HSCB: variants seen among roughly 807,000 people sequenced by gnomAD.
HSCB encodes iron-sulfur cluster co-chaperone protein HscB.
HSCB carries 23 observed loss-of-function variants against 31.3 expected under a neutral mutation model. The ratio of observed to expected loss-of-function variants is 0.74; its 90% CI spans 0.53 to 1.04. The LOEUF (loss-of-function observed/expected upper bound fraction) is 1.04, where lower values mean the gene tolerates loss of function less well. Among genes scored for constraint, HSCB ranks in the 50% least tolerant of loss-of-function variants. The pLI, the probability that HSCB is intolerant of heterozygous loss-of-function variation, is 0.00. For synonymous variants in HSCB, 110 were observed against 104.5 expected (o/e 1.05, Z -0.32); for missense variants, 297 against 288.1 (o/e 1.03, Z -0.22).
chr22:28,746,573 C>T (rs920428408), intron 4 of HSCB, among the ~76,000 whole-genome samples: 6 of 150,888 alleles, frequency 4.0e-5, no homozygotes, highest in East Asian at 2.0e-4. Context: ...GGCAACGTGG[C>T]GAAACCCCAT....
intron 5 of HSCB, among the ~76,000 whole-genome samples, chr22:28,751,564 G>A (rs1195852494): frequency 1.3e-5 from 2 of 152,006 alleles, no homozygotes; most frequent in Non-Finnish European, 2.9e-5. Context: ...TGGCTAACAC[G>A]GTGAAACTCT....
intron 5 of HSCB, among the ~76,000 whole-genome samples, chr22:28,756,837 A>C (rs913667548): frequency 1.3e-5 from 2 of 151,974 alleles, no homozygotes; most frequent in African/African-American, 4.8e-5. Flanking sequence ...AAGAGAATCA[A>C]CTTCTCTAAT....
At chr22:28,743,127 G>T (rs2054613802) in intron 1 of HSCB, among the ~76,000 whole-genome samples, 1 of 152,168 alleles carries the variant, frequency 6.6e-6, no homozygotes, top group Admixed American at 6.5e-5. Context: ...AGGGGCCACT[G>T]CAATAGGGTC....
chr22:28,749,583 C>T (rs2030081092), intron 4 of HSCB, among the ~76,000 whole-genome samples: 1 of 152,148 alleles, frequency 6.6e-6, no homozygotes, highest in Non-Finnish European at 1.5e-5. Context: ...CCTCAGCTCA[C>T]AGAAAAGTAC....
intron 5 of HSCB, among the ~76,000 whole-genome samples, chr22:28,753,028 G>A (rs1601402756): frequency 2.6e-5 from 4 of 151,754 alleles, no homozygotes; most frequent in African/African-American, 9.7e-5. Flanking sequence ...GCAGTGAGCC[G>A]AGATCACGCC....
chr22:28,750,247 C>CAAAAAAAAAAAAAAAAA (rs563701958), intron 4 of HSCB, among the ~76,000 whole-genome samples: 3 of 64,698 alleles, frequency 4.6e-5, no homozygotes, highest in East Asian at 3.8e-4. Context: ...GAAACTGTCT[C>CAAAAAAAAAAAAAAAAA]AAAAAAAAAA....
chr22:28,742,109 G>C lies in HSCB; in HGVS notation c.14G>C (p.Arg5Thr), dbSNP rs766048132. ...GCCGCCGGCCAGATGTGGCGGGGGAGAGCCGGGGCTTTGCTCCGGGTGTGG... is the reference window on the plus strand; with the variant it reads ...GCCGCCGGCCAGATGTGGCGGGGGACAGCCGGGGCTTTGCTCCGGGTGTGG... MWRG[R>T]AGALLRVWGF... is the part of the protein sequence containing the mutation. The change falls in exon 1 of 6, where the codon AGA becomes ACA. Residue 5 changes from arginine to threonine, a missense_variant. Transcript: ENST00000216027. 49 of 1,593,916 alleles carry C rather than the reference G, an allele frequency of 3.1e-5. No individual in the cohort carries two copies. Among genetic ancestry groups the C allele is most frequent in the Non-Finnish European group, 4.0e-5 (47 of 1,170,700 alleles).
intron 5 of HSCB, among the ~76,000 whole-genome samples, chr22:28,751,916 T>A (rs1334802315): frequency 6.7e-6 from 1 of 148,694 alleles, no homozygotes; most frequent in South Asian, 2.1e-4. Context: ...ATGGTGAAAC[T>A]CCAGCTCTAC....
Position 28,744,649 on chromosome 22 carries a change from T to C in HSCB, c.368T>C (p.Leu123Pro). 1 of 1,613,976 alleles carries C rather than the reference T, an allele frequency of 6.2e-7. No individual in the cohort carries two copies. The highest frequency in any genetic ancestry group is 8.5e-7 in the Non-Finnish European group (1 of 1,179,826). The change falls in exon 3 of 6, where the codon CTG (leucine) becomes CCG (proline). Residue 123 changes from leucine (L) to proline (P), a missense_variant. Coordinates refer to ENST00000216027, the MANE Select transcript of HSCB (RefSeq NM_172002.5). ...GACTTCTCAGAGAAGCATTCGACCC[T>C]GGTGAATGATGCCTATAAGACCCTC... Reference protein sequence around the residue: ...EKDFSEKHSTLVNDAYKTLLA... With the variant: ...EKDFSEKHSTPVNDAYKTLLA...
intron 4 of HSCB, among the ~76,000 whole-genome samples, chr22:28,750,099 A>G (rs1268947778): frequency 2.0e-5 from 3 of 151,880 alleles, no homozygotes; most frequent in African/African-American, 7.3e-5. Flanking sequence ...AAAATACAAA[A>G]TTAGCCGGGC....
intron 5 of HSCB, among the ~76,000 whole-genome samples, chr22:28,754,370 G>A (rs1490008429): frequency 6.6e-6 from 1 of 151,896 alleles, no homozygotes; most frequent in African/African-American, 2.4e-5. Flanking sequence ...TTTGCAAGAT[G>A]AAAAGAGTTC....
intron 5 of HSCB, among the ~76,000 whole-genome samples, chr22:28,752,648 G>A (rs1356894903): frequency 1.3e-5 from 2 of 149,622 alleles, no homozygotes; most frequent in Non-Finnish European, 1.5e-5. Flanking sequence ...GCAGGAGAAT[G>A]GCGTGAACCC....
intron 3 of HSCB, 82 bp downstream of exon 3, chr22:28,744,786 C>A: frequency 2.7e-6 from 3 of 1,093,716 alleles, no homozygotes; most frequent in Non-Finnish European, 4.2e-6. Flanking sequence ...CTTTATTCAG[C>A]AGAAGAGTGC....
chr22:28,747,502 A>G (rs2029917107), intron 4 of HSCB, among the ~76,000 whole-genome samples: 2 of 152,030 alleles, frequency 1.3e-5, no homozygotes, highest in Non-Finnish European at 1.5e-5. Flanking sequence ...GGGTTTCACC[A>G]TGTTGCCCAG....
chr22:28,744,640 A>G lies in HSCB; in HGVS notation c.359A>G (p.His120Arg). The change falls in exon 3 of 6, where the codon CAT (histidine) becomes CGT (arginine). Residue 120 changes from histidine to arginine, a missense_variant. Coordinates refer to ENST00000216027, the MANE Select transcript of HSCB (RefSeq NM_172002.5). Reference protein sequence around the residue: ...SQTEKDFSEKHSTLVNDAYKT... With the variant: ...SQTEKDFSEKRSTLVNDAYKT... ...ACTGAAAAGGACTTCTCAGAGAAGC[A>G]TTCGACCCTGGTGAATGATGCCTAT... 6.2e-7 allele frequency: 1 copy of G among 1,613,872 alleles called. No individual in the cohort carries two copies. Among genetic ancestry groups the G allele is most frequent in the Non-Finnish European group, 8.5e-7 (1 of 1,179,710 alleles).
Position 28,757,244 on chromosome 22 carries a change from T to G in HSCB, c.*75T>G, listed in dbSNP as rs1025990998. 1.3e-5 allele frequency: 10 copies of G among 765,776 alleles called. No homozygotes were observed. The highest frequency in any genetic ancestry group is 2.2e-5 in the Non-Finnish European group (10 of 447,102). 47.4% of individuals were successfully genotyped at this position (765,776 alleles called of 1,614,324 possible). On this transcript the variant is annotated 3_prime_UTR_variant, in exon 6 of 6. Transcript: ENST00000216027. ...GCTCACACCTGTAATCCCAGCACTT[T>G]GGGAGGCTGAGGTGGGTGGATGACA...
intron 4 of HSCB, among the ~76,000 whole-genome samples, chr22:28,750,510 G>A (rs189164926): frequency 1.0e-3 from 155 of 152,148 alleles, no homozygotes; most frequent in African/African-American, 3.6e-3. Context: ...TTCAAACACC[G>A]GACTGGGAGT....
rs199629634 is a variant in HSCB at position 28,751,239 on chromosome 22, A to G, written c.569-2A>G. On this transcript the variant is annotated splice_acceptor_variant, in intron 4 of 5. Transcript: ENST00000216027. LOFTEE classifies it high-confidence loss of function. ...AATTAACAGAATGGTTTTCTTTTTC[A>G]GCTAAACAGAAAGAATTTACTGACA... 1.1e-5 allele frequency: 17 copies of G among 1,586,094 alleles called. No individual in the cohort carries two copies. The highest frequency in any genetic ancestry group is 1.5e-5 in the Non-Finnish European group (17 of 1,159,128).
chr22:28,750,811 T>C (rs1044961972), intron 4 of HSCB, among the ~76,000 whole-genome samples: 8 of 152,292 alleles, frequency 5.3e-5, no homozygotes, highest in Middle Eastern at 3.4e-3. Context: ...TGAGAGGCTA[T>C]ACAGTTTGCA....
Sources: allele counts gnomAD v4.1 joint callset (sites outside exome capture counted in the v4.1 genomes callset), GRCh38; gene constraint gnomAD v4.1.1; transcripts MANE v1.5; gene names NCBI Gene and HGNC (gene_info 2026-07-23, HGNC 2026-07-21).